Variants in SEMA3C observed in about 807,000 individuals in gnomAD.
SEMA3C encodes semaphorin 3C.
A neutral mutation model predicts 89.4 loss-of-function variants in SEMA3C; 47 were observed. That is an observed-to-expected ratio of 0.53 (90% CI 0.42 to 0.67). The LOEUF is 0.67. Among genes scored for constraint, SEMA3C ranks in the 30% least tolerant of loss-of-function variants. SEMA3C has a pLI of 0.00. For synonymous variants in SEMA3C, 310 were observed against 320.2 expected (o/e 0.97, Z 0.34); for missense variants, 839 against 929.1 (o/e 0.90, Z 1.26).
At position 80,807,816 on chromosome 7, in the gene SEMA3C, C is replaced by T. The variant is rs192435351; in HGVS notation, c.539-2058G>A. Among the ~76,000 whole-genome samples the T allele has an allele frequency of 1.1e-4, 17 of 152,116 alleles. No homozygotes were observed. The East Asian group carries it at 1.7e-3, about 16-fold the overall frequency. ...AATCTGTGCTTTTATTAGCACACTG[C>T]GCTTGAATGGAAATGATAAAGTACT... On this transcript the variant is annotated intron_variant, in intron 6 of 17. Transcript: ENST00000265361.
chr7:80,878,098 C>T (rs1382856804), intron 2 of SEMA3C, among the ~76,000 whole-genome samples: 3 of 152,118 alleles, frequency 2.0e-5, no homozygotes, highest in Admixed American at 6.5e-5. Context: ...AAAAATGAGG[C>T]CGGGTGCGGT....
At chr7:80,821,082 TTTA>T (rs1789735757) in intron 4 of SEMA3C, among the ~76,000 whole-genome samples, 1 of 152,224 alleles carries the variant, frequency 6.6e-6, no homozygotes, top group Non-Finnish European at 1.5e-5. Context: ...ATGACTAATA[TTTA>T]TTTAGAGTTT....
chr7:80,756,808 G>A (rs1339765295), intron 15 of SEMA3C, among the ~76,000 whole-genome samples: 5 of 133,446 alleles, frequency 3.7e-5, no homozygotes, highest in African/African-American at 1.9e-4. Flanking sequence ...CCGCAGTAAC[G>A]CCCTTTCTGA....
At chr7:80,771,485 C>G (rs1406686656) in intron 12 of SEMA3C, among the ~76,000 whole-genome samples, 1 of 152,112 alleles carries the variant, frequency 6.6e-6, no homozygotes, top group Non-Finnish European at 1.5e-5. Context: ...TTATTTTATA[C>G]TATCTAATTT....
intron 2 of SEMA3C, among the ~76,000 whole-genome samples, chr7:80,866,422 T>C (rs1340195903): frequency 6.6e-6 from 1 of 152,182 alleles, no homozygotes; most frequent in Non-Finnish European, 1.5e-5. Flanking sequence ...ACGGTAATTT[T>C]TACTTTTAAT....
intron 2 of SEMA3C, among the ~76,000 whole-genome samples, chr7:80,884,867 A>G (rs1156398583): frequency 6.6e-6 from 1 of 152,254 alleles, no homozygotes; most frequent in African/African-American, 2.4e-5. Flanking sequence ...TTGACGGTGT[A>G]GGAACACTGT....
intron 2 of SEMA3C, among the ~76,000 whole-genome samples, chr7:80,851,685 G>A (rs1790517134): frequency 6.6e-6 from 1 of 151,926 alleles, no homozygotes. Context: ...TCATTAAGCA[G>A]GAGGGGAAAA....
chr7:80,873,944 T>G (rs1038346395), intron 2 of SEMA3C, among the ~76,000 whole-genome samples: 32 of 152,154 alleles, frequency 2.1e-4, no homozygotes, highest in African/African-American at 7.5e-4. Context: ...GTTTTTCCCA[T>G]GCTGAAAGCT....
chr7:80,896,200 G>A (rs766120275), intron 2 of SEMA3C, among the ~76,000 whole-genome samples: 2 of 152,140 alleles, frequency 1.3e-5, no homozygotes, highest in African/African-American at 2.4e-5. Context: ...CCCTACAACT[G>A]TAAACATGGA....
intron 2 of SEMA3C, among the ~76,000 whole-genome samples, chr7:80,909,097 TGA>T (rs920743817): frequency 2.0e-5 from 3 of 152,272 alleles, no homozygotes; most frequent in African/African-American, 7.2e-5. Flanking sequence ...TGTGTGTGTG[TGA>T]GAGAGTTCTG....
intron 2 of SEMA3C, among the ~76,000 whole-genome samples, chr7:80,876,119 T>C (rs1791195808): frequency 2.6e-5 from 4 of 152,162 alleles, no homozygotes; most frequent in Admixed American, 6.5e-5. Flanking sequence ...GTCTCAGGCA[T>C]CTGCTGGGGG....
chr7:80,835,895 G>A (rs1353989739), intron 2 of SEMA3C, among the ~76,000 whole-genome samples: 1 of 152,142 alleles, frequency 6.6e-6, no homozygotes, highest in Non-Finnish European at 1.5e-5. Context: ...AGATCACACA[G>A]TAAAGACTAA....
At chr7:80,866,504 TAAA>T (rs1285153438) in intron 2 of SEMA3C, among the ~76,000 whole-genome samples, 1 of 151,746 alleles carries the variant, frequency 6.6e-6, no homozygotes, top group East Asian at 1.9e-4. Flanking sequence ...AAATAAAAAA[TAAA>T]AAAAAGAAGT....
intron 14 of SEMA3C, among the ~76,000 whole-genome samples, chr7:80,760,781 A>C (rs991442450): frequency 6.6e-6 from 1 of 152,204 alleles, no homozygotes; most frequent in Non-Finnish European, 1.5e-5. Flanking sequence ...TTGTGAGAAG[A>C]GCATTACCTT....
intron 17 of SEMA3C, among the ~76,000 whole-genome samples, chr7:80,748,446 A>C (rs1248280077): frequency 6.6e-6 from 1 of 152,196 alleles, no homozygotes; most frequent in African/African-American, 2.4e-5. Flanking sequence ...AAAACAATGG[A>C]AACAGATTAC....
intron 15 of SEMA3C, among the ~76,000 whole-genome samples, chr7:80,751,795 A>G (rs911405216): frequency 2.6e-5 from 4 of 152,212 alleles, no homozygotes; most frequent in African/African-American, 9.6e-5. Flanking sequence ...TTCTAGATAT[A>G]TTAAAACTTT....
chr7:80,887,301 T>C (rs1175271515), intron 2 of SEMA3C, among the ~76,000 whole-genome samples: 2 of 152,164 alleles, frequency 1.3e-5, no homozygotes, highest in Non-Finnish European at 2.9e-5. Flanking sequence ...ATAACAGAAA[T>C]AGTATGAGGA....
At chr7:80,754,141 T>C (rs1318089551) in intron 15 of SEMA3C, among the ~76,000 whole-genome samples, 1 of 152,186 alleles carries the variant, frequency 6.6e-6, no homozygotes, top group Non-Finnish European at 1.5e-5. Flanking sequence ...TTCACCATGT[T>C]GGTCAGGCTG....
rs372753388 is a variant in SEMA3C, at chr7:80,798,188, T to C, written c.1035A>G (p.Ile345Met). Residue 345 changes from isoleucine (I) to methionine (M), a missense_variant, in exon 11 of 18, where the codon ATA becomes ATG. Transcript: ENST00000265361. ...SAVCVYHLSD[I>M]QTVFNGPFAH... Reference sequence around the variant, plus strand: ...CAAAAGGCCCATTAAACACAGTCTGTATATCAGATAAATGATACACACACA... The same window carrying C: ...CAAAAGGCCCATTAAACACAGTCTGCATATCAGATAAATGATACACACACA... 1.7e-5 allele frequency: 27 copies of C among 1,590,736 alleles called. No individual in the cohort carries two copies. The highest frequency in any genetic ancestry group is 2.1e-5 in the Non-Finnish European group (25 of 1,171,044).
Sources: allele counts gnomAD v4.1 joint callset (sites outside exome capture counted in the v4.1 genomes callset), GRCh38; gene constraint gnomAD v4.1.1; transcripts MANE v1.5; gene names NCBI Gene and HGNC (gene_info 2026-07-23, HGNC 2026-07-21).